The following PAFAH1B1 variants were observed in gnomAD, a reference collection of about 807,000 sequenced individuals.
PAFAH1B1 encodes the protein platelet activating factor acetylhydrolase 1b regulatory subunit 1.
A neutral mutation model predicts 57.5 loss-of-function variants in PAFAH1B1; 2 were observed. That is an observed-to-expected ratio of 0.03 (90% CI 0.01 to 0.11). The LOEUF (loss-of-function observed/expected upper bound fraction) is 0.11, where lower values mean the gene tolerates loss of function less well. PAFAH1B1 is among the 10% of genes least tolerant of loss of function. The probability of loss-of-function intolerance (pLI) is 1.00; values close to 1 mark genes in which losing one functional copy is unlikely to be tolerated. For missense variants in PAFAH1B1, 257 were observed against 512.0 expected, an observed-to-expected ratio of 0.50 and a Z score of 4.81; for synonymous variants, 152 against 169.6, an observed-to-expected ratio of 0.90 and a Z score of 0.81.
At chr17:2,597,075 A>C (rs2068091045) in intron 1 of PAFAH1B1, among the ~76,000 whole-genome samples, 1 of 151,996 alleles carries the variant, frequency 6.6e-6, no homozygotes, top group African/African-American at 2.4e-5. Flanking sequence ...AAACAAACAA[A>C]ACCCCACACA....
chr17:2,628,139 C>T (rs2068514464), intron 1 of PAFAH1B1, among the ~76,000 whole-genome samples: 1 of 152,166 alleles, frequency 6.6e-6, no homozygotes, highest in Admixed American at 6.5e-5. Context: ...TGAGAGTGGG[C>T]ATCCTTGTCT....
At chr17:2,619,626 A>G (rs1254766116) in intron 1 of PAFAH1B1, among the ~76,000 whole-genome samples, 1 of 151,930 alleles carries the variant, frequency 6.6e-6, no homozygotes, top group African/African-American at 2.4e-5. Flanking sequence ...AATAGGTAAC[A>G]TATGGTACTT....
At chr17:2,623,129 G>T (rs1373806142) in intron 1 of PAFAH1B1, among the ~76,000 whole-genome samples, 1 of 152,184 alleles carries the variant, frequency 6.6e-6, no homozygotes, top group Non-Finnish European at 1.5e-5. Context: ...AGGGGCTGCT[G>T]CCAGGAAGTT....
chr17:2,628,333 T>C (rs2068517394), intron 1 of PAFAH1B1, among the ~76,000 whole-genome samples: 2 of 152,206 alleles, frequency 1.3e-5, no homozygotes. Context: ...GAGATGATCA[T>C]GTGGTTTTTG....
intron 1 of PAFAH1B1, among the ~76,000 whole-genome samples, chr17:2,633,900 A>G (rs2068587403): frequency 6.6e-6 from 1 of 150,826 alleles, no homozygotes; most frequent in Non-Finnish European, 1.5e-5. Context: ...CACAGTCTCC[A>G]TGGGTAATCT....
chr17:2,676,700 T>C, intron 9 of PAFAH1B1, 94 bp downstream of exon 9: 1 of 816,594 alleles, frequency 1.2e-6, no homozygotes, highest in South Asian at 1.4e-5. Context: ...ATCTGAATTA[T>C]TCTGGGCTTT....
chr17:2,676,431 T>C (rs1156817763), intron 8 of PAFAH1B1, 74 bp from the exon 9 acceptor site: 1 of 914,354 alleles, frequency 1.1e-6, no homozygotes, highest in Non-Finnish European at 1.8e-6. Context: ...TATATCATTA[T>C]TAGATAGAAG....
chr17:2,662,564 C>T (rs1217571205), intron 2 of PAFAH1B1, among the ~76,000 whole-genome samples: 3 of 151,636 alleles, frequency 2.0e-5, no homozygotes, highest in African/African-American at 4.8e-5. Flanking sequence ...CCACCATACC[C>T]GGCTAATTTT....
chr17:2,645,123 T>A (rs1374823560), intron 2 of PAFAH1B1, among the ~76,000 whole-genome samples: 1 of 152,094 alleles, frequency 6.6e-6, no homozygotes, highest in Non-Finnish European at 1.5e-5. Context: ...GGCAGGCACC[T>A]GTAATCCCGG....
At chr17:2,609,298 C>G (rs986480782) in intron 1 of PAFAH1B1, among the ~76,000 whole-genome samples, 1 of 152,128 alleles carries the variant, frequency 6.6e-6, no homozygotes, top group African/African-American at 2.4e-5. Context: ...GGATGAGCCA[C>G]CGCGCCCGGC....
chr17:2,616,066 T>G (rs2068336645), intron 1 of PAFAH1B1, among the ~76,000 whole-genome samples: 1 of 152,224 alleles, frequency 6.6e-6, no homozygotes, highest in Admixed American at 6.5e-5. Context: ...ACCTACTTTA[T>G]TCTTCAAATA....
rs2069091331 is a variant in PAFAH1B1, at chr17:2,665,277, G to A, written c.33-95G>A. The A allele has an allele frequency of 5.3e-6, 4 of 755,688 alleles. No homozygotes were observed. The South Asian group carries it at 5.9e-5, about 11-fold the overall frequency. The allele number at this position is 755,688 out of a possible 1,614,324, so 46.8% of individuals were successfully genotyped here. ...TTGAAAGGGAATACTCTTGAAAAGA[G>A]TATCTTCAGGGTTAATGAGATTTTA... On this transcript the variant is annotated intron_variant, in intron 2 of 10. Transcript: ENST00000397195.
intron 1 of PAFAH1B1, among the ~76,000 whole-genome samples, chr17:2,620,706 A>C (rs936195250): frequency 6.6e-6 from 1 of 152,126 alleles, no homozygotes; most frequent in Non-Finnish European, 1.5e-5. Flanking sequence ...TACTAAAAAT[A>C]CAAAAATTAG....
At chr17:2,666,771 G>T (rs1001082389) in intron 4 of PAFAH1B1, among the ~76,000 whole-genome samples, 9 of 152,104 alleles carry the variant, frequency 5.9e-5, no homozygotes, top group Non-Finnish European at 1.5e-5. Flanking sequence ...TAAGGCAATT[G>T]TACTGAATTT....
chr17:2,674,306 G>A lies in PAFAH1B1; in HGVS notation c.900+18G>A, dbSNP rs1241857699. On this transcript the variant is annotated intron_variant, in intron 8 of 10. Coordinates refer to ENST00000397195, the MANE Select transcript of PAFAH1B1 (RefSeq NM_000430.4). Reference sequence around the variant, plus strand: ...GATCTGAGGTACTGTATATACAAATGTCTTCATGGTTTTATTGCTGATATC... The same window carrying A: ...GATCTGAGGTACTGTATATACAAATATCTTCATGGTTTTATTGCTGATATC... The A allele has an allele frequency of 6.4e-7, 1 of 1,562,860 alleles. No homozygotes were observed. The highest frequency in any genetic ancestry group is 1.7e-5 in the Admixed American group (1 of 59,910).
chr17:2,652,135 G>A (rs559363755), intron 2 of PAFAH1B1, among the ~76,000 whole-genome samples: 3 of 143,120 alleles, frequency 2.1e-5, no homozygotes, highest in African/African-American at 7.6e-5. Context: ...TTCTAGGCCA[G>A]ACACAGTGGC....
chr17:2,593,590 G>GGTCGGC (rs2068046116), upstream of PAFAH1B1, among the ~76,000 whole-genome samples: 1 of 148,666 alleles, frequency 6.7e-6, no homozygotes, highest in African/African-American at 2.4e-5. Context: ...GGCGGGTCTG[G>GGTCGGC]GGCGGCGGCG....
chr17:2,670,952 A>G (rs1399145013), intron 6 of PAFAH1B1, among the ~76,000 whole-genome samples: 1 of 152,234 alleles, frequency 6.6e-6, no homozygotes, highest in Non-Finnish European at 1.5e-5. Context: ...AGATGAAGTC[A>G]TAAGATAAAT....
At chr17:2,673,933 T>C in intron 7 of PAFAH1B1, 127 bp from the exon 8 acceptor site, 1 of 699,776 alleles carries the variant, frequency 1.4e-6, no homozygotes, top group Non-Finnish European at 2.6e-6. Flanking sequence ...GATTGTACAT[T>C]TATTCTGTCG....
Sources: gnomAD v4.1 joint callset for allele counts (sites outside exome capture counted in the v4.1 genomes callset) on GRCh38, gnomAD v4.1.1 for gene constraint, MANE v1.5 for transcripts, NCBI Gene and HGNC (gene_info 2026-07-23, HGNC 2026-07-21) for gene names.